Variants in ATP8A1 observed in about 807,000 individuals in gnomAD.
ATP8A1 encodes ATPase phospholipid transporting 8A1.
In ATP8A1, 90 loss-of-function variants were observed where a neutral mutation model predicts 177.7. That is an observed-to-expected ratio of 0.51 (90% confidence interval 0.43 to 0.60). The LOEUF (loss-of-function observed/expected upper bound fraction) is 0.60, where lower values mean the gene tolerates loss of function less well. Among genes scored for constraint, ATP8A1 ranks in the 20% least tolerant of loss-of-function variants. The pLI, the probability that ATP8A1 is intolerant of heterozygous loss-of-function variation, is 0.00. For missense variants in ATP8A1, 1,072 were observed against 1,392.8 expected, an observed-to-expected ratio of 0.77 and a Z score of 3.67; for synonymous variants, 493 against 485.9, an observed-to-expected ratio of 1.01 and a Z score of -0.19.
chr4:42,468,756 T>C (rs953828387), intron 25 of ATP8A1, among the ~76,000 whole-genome samples: 7 of 152,122 alleles, frequency 4.6e-5, no homozygotes, highest in African/African-American at 1.4e-4. Flanking sequence ...CAAATCACCA[T>C]TGAAGAACTT....
At chr4:42,610,569 G>C (rs1736262267) in intron 5 of ATP8A1, among the ~76,000 whole-genome samples, 1 of 141,150 alleles carries the variant, frequency 7.1e-6, no homozygotes, top group Non-Finnish European at 1.6e-5. Context: ...AATGGGTTTT[G>C]CTCCTTTGTG....
Position 42,423,654 on chromosome 4 carries a change from G to A in ATP8A1, c.3175C>T (p.Pro1059Ser). The change falls in exon 34 of 37, where the codon CCT (proline) becomes TCT (serine). Residue 1059 changes from proline to serine, a missense_variant. Pro to Ser is a moderately conservative substitution (Grantham distance 74). Around this residue, in one of 5 missense-constraint regions of ATP8A1, gnomAD observed 316 missense variants for 459.1 expected, o/e 0.69. Transcript: ENST00000381668. ...ACATCAAGGAGCAGAGATGCCACAG[G>A]GATGAATAACAAGCCCATCCAAAAG... ...GVFWMGLLFI[P>S]VASLLLDVVY... is the part of the protein sequence containing the mutation. 1 of 1,612,716 alleles carries A rather than the reference G, an allele frequency of 6.2e-7. No individual in the cohort carries two copies. Among genetic ancestry groups the A allele is most frequent in the Non-Finnish European group, 8.5e-7 (1 of 1,179,474 alleles).
chr4:42,575,733 C>T lies in ATP8A1; in HGVS notation c.1129-34G>A, dbSNP rs753073075. The T allele has an allele frequency of 8.5e-5, 132 of 1,552,722 alleles. 1 individual carries two copies. The highest frequency in any genetic ancestry group is 5.1e-5 in the Admixed American group (3 of 58,502). ...AAATTAAGTAAATCATTGAACACAA[C>T]TGGTAATAAGGAATTGGGTGAAACT... On this transcript the variant is annotated intron_variant, in intron 12 of 36. Coordinates refer to ENST00000381668, the MANE Select transcript of ATP8A1 (RefSeq NM_006095.2).
At chr4:42,427,537 C>T (rs1448642342) in intron 33 of ATP8A1, among the ~76,000 whole-genome samples, 1 of 152,198 alleles carries the variant, frequency 6.6e-6, no homozygotes, top group African/African-American at 2.4e-5. Context: ...TATATTCCCA[C>T]CAGCAATGAA....
intron 20 of ATP8A1, among the ~76,000 whole-genome samples, chr4:42,527,691 A>G (rs1386230478): frequency 6.6e-6 from 1 of 152,202 alleles, no homozygotes. Flanking sequence ...GAGGAGATGC[A>G]CTACACTCAA....
chr4:42,576,307 TA>T (rs796580538), intron 12 of ATP8A1, among the ~76,000 whole-genome samples: 4 of 148,754 alleles, frequency 2.7e-5, no homozygotes, highest in Non-Finnish European at 3.0e-5. Flanking sequence ...CCGTCTCTAC[TA>T]AAAAAAAATA....
intron 5 of ATP8A1, among the ~76,000 whole-genome samples, chr4:42,601,943 A>G (rs1190944484): frequency 6.6e-6 from 1 of 152,182 alleles, no homozygotes; most frequent in Non-Finnish European, 1.5e-5. Flanking sequence ...TATTTAAATT[A>G]AAATATTATC....
In ATP8A1 at chr4:42,646,325, G is replaced by T. The variant is rs146604820; in HGVS notation, c.49+10500C>A. Among the ~76,000 whole-genome samples, 11 of 152,328 alleles carry T rather than the reference G, an allele frequency of 7.2e-5. No individual in the cohort carries two copies. In the East Asian group the frequency reaches 2.1e-3, roughly 29 times the overall value. ...ACAGGCACTCAGGGTCAGGGAAGTG[G>T]TGACAGGGTGTGCATGCCTCATCTT... On this transcript the variant is annotated intron_variant, in intron 1 of 36. Transcript: ENST00000381668.
rs1441054857 is a variant in ATP8A1 at position 42,586,385 on chromosome 4, T to C, written c.686A>G (p.Tyr229Cys). The C allele has an allele frequency of 6.2e-7, 1 of 1,614,022 alleles. No individual in the cohort carries two copies. Among genetic ancestry groups the C allele is most frequent in the Non-Finnish European group, 8.5e-7 (1 of 1,180,012 alleles). The change falls in exon 9 of 37, where the codon TAC (tyrosine) becomes TGC (cysteine). Residue 229 changes from tyrosine to cysteine, a missense_variant. Physicochemically the swap from Tyr to Cys is radical, Grantham distance 194. This residue lies in a region of ATP8A1 where 344 missense variants were observed against 393.5 expected (regional missense o/e 0.87). Coordinates refer to ENST00000381668, the MANE Select transcript of ATP8A1 (RefSeq NM_006095.2). ...IECESPNRHL[Y>C]DFVGNIRLDG... is the part of the protein sequence containing the mutation. ...AAGCCTTATGTTTCCAACAAAATCG[T>C]AGAGATGTCTGTTTGGACTTTCACA... is the stretch of plus-strand genomic sequence containing the variant.
At chr4:42,527,748 G>C (rs1206845848) in intron 20 of ATP8A1, among the ~76,000 whole-genome samples, 1 of 148,992 alleles carries the variant, frequency 6.7e-6, no homozygotes, top group Non-Finnish European at 1.5e-5. Flanking sequence ...AAAACTTCTA[G>C]GTCGAATGGA....
At chr4:42,529,983 C>A (rs963800093) in intron 20 of ATP8A1, among the ~76,000 whole-genome samples, 12 of 152,196 alleles carry the variant, frequency 7.9e-5, no homozygotes, top group Admixed American at 4.6e-4. Context: ...TGTGGATGGA[C>A]CTCTGAGTGG....
intron 24 of ATP8A1, among the ~76,000 whole-genome samples, chr4:42,497,700 C>T (rs2153192104): frequency 6.6e-6 from 1 of 152,278 alleles, no homozygotes; most frequent in South Asian, 2.1e-4. Flanking sequence ...TTTGATGGAA[C>T]TTTTTCAACC....
chr4:42,555,142 CT>C lies in ATP8A1; in HGVS notation c.1413+825del, dbSNP rs1560454729. ...CTATCTATCTATCTATCTATCTAATCTATCTATCTATCTATCTATCTATCTA... is the reference window on the plus strand; with the variant it reads ...CTATCTATCTATCTATCTATCTAATCATCTATCTATCTATCTATCTATCTA... On this transcript the variant is annotated intron_variant, in intron 16 of 36. Coordinates refer to ENST00000381668, the MANE Select transcript of ATP8A1 (RefSeq NM_006095.2). 9.4e-5 allele frequency among the ~76,000 whole-genome samples: 6 copies of C among 63,708 alleles called. No homozygotes were observed. The East Asian group carries it at 2.4e-3, about 25-fold the overall frequency. The allele number at this position is 63,708 out of a possible 152,430, so 41.8% of individuals were successfully genotyped here. A position where few individuals can be genotyped will look rare whatever the true frequency, so the allele number is the denominator to read the frequency against.
At chr4:42,635,034 A>C (rs1011481938) in intron 1 of ATP8A1, among the ~76,000 whole-genome samples, 1 of 152,338 alleles carries the variant, frequency 6.6e-6, no homozygotes, top group Middle Eastern at 3.4e-3. Context: ...AAAAGTCTTA[A>C]AGACTGTAAT....
chr4:42,464,331 T>TCTCAGCTCACCACAAC lies in ATP8A1; in HGVS notation c.2619+343_2619+358dup, dbSNP rs533512581. Among the ~76,000 whole-genome samples, 12 of 149,898 alleles carry TCTCAGCTCACCACAAC rather than the reference T, an allele frequency of 8.0e-5. No homozygotes were observed. In the South Asian group the frequency reaches 2.3e-3, roughly 29 times the overall value. On this transcript the variant is annotated intron_variant, in intron 27 of 36. Transcript: ENST00000381668. Reference sequence around the variant, plus strand: ...CCCAGGCTGGAGGACAGTGGCACAATCTCAGCTCACCACAACCTCTGCCTC... The same window carrying TCTCAGCTCACCACAAC: ...CCCAGGCTGGAGGACAGTGGCACAATCTCAGCTCACCACAACCTCAGCTCACCACAACCTCTGCCTC...
At chr4:42,648,149 C>G (rs1041104947) in intron 1 of ATP8A1, among the ~76,000 whole-genome samples, 2 of 152,176 alleles carry the variant, frequency 1.3e-5, no homozygotes, top group East Asian at 3.9e-4. Flanking sequence ...CAATGCAATT[C>G]CAATAAATAT....
intron 1 of ATP8A1, among the ~76,000 whole-genome samples, chr4:42,635,778 C>CATATATATATATATATATATAT (rs1279984098): frequency 2.7e-4 from 9 of 33,650 alleles, no homozygotes; most frequent in Admixed American, 1.0e-3. Context: ...CACACACACA[C>CATATATATATATATATATATAT]ACACATATAT....
chr4:42,629,276 C>T (rs1025455911), intron 1 of ATP8A1, among the ~76,000 whole-genome samples: 1 of 152,212 alleles, frequency 6.6e-6, no homozygotes, highest in Admixed American at 6.5e-5. Flanking sequence ...AGGGGAAAAT[C>T]TAAACTGTAA....
chr4:42,490,633 C>A (rs1171106806), intron 24 of ATP8A1, among the ~76,000 whole-genome samples: 2 of 152,148 alleles, frequency 1.3e-5, no homozygotes, highest in Non-Finnish European at 2.9e-5. Flanking sequence ...GTAACACCTG[C>A]CTTCTCACCT....
Sources: allele counts gnomAD v4.1 joint callset (sites outside exome capture counted in the v4.1 genomes callset), GRCh38; gene constraint gnomAD v4.1.1; regional missense constraint gnomAD v4.1.1; transcripts MANE v1.5; gene names NCBI Gene and HGNC (gene_info 2026-07-23, HGNC 2026-07-21).